SOX5: variants seen among roughly 807,000 people sequenced by gnomAD.
SOX5 encodes the protein transcription factor SOX-5.
In SOX5, 9 loss-of-function variants were observed where a neutral mutation model predicts 92.0. The ratio of observed to expected loss-of-function variants is 0.10; its 90% CI spans 0.06 to 0.17. The LOEUF (loss-of-function observed/expected upper bound fraction) is 0.17, where lower values mean the gene tolerates loss of function less well. SOX5 is among the 10% of genes least tolerant of loss of function. The pLI is 1.00. For missense variants in SOX5, 642 were observed against 944.5 expected, an observed-to-expected ratio of 0.68 and a Z score of 4.20; for synonymous variants, 344 against 336.3, an observed-to-expected ratio of 1.02 and a Z score of -0.25.
chr12:23,822,101 G>A (rs941707941), intron 3 of SOX5, among the ~76,000 whole-genome samples: 7 of 151,874 alleles, frequency 4.6e-5, no homozygotes, highest in African/African-American at 1.2e-4. Flanking sequence ...TTTTTTGAAG[G>A]GTTTTTGTGT....
At chr12:24,239,557 C>G (rs992425705) in intron 3 of SOX5, among the ~76,000 whole-genome samples, 2 of 152,102 alleles carry the variant, frequency 1.3e-5, no homozygotes, top group East Asian at 1.9e-4. Flanking sequence ...ATAAGCACAA[C>G]GTGTGACCAG....
chr12:24,284,071 G>C (rs938497648), intron 2 of SOX5, among the ~76,000 whole-genome samples: 1 of 152,186 alleles, frequency 6.6e-6, no homozygotes, highest in Non-Finnish European at 1.5e-5. Context: ...ACAGCCAGAG[G>C]CTATGTCAGA....
In SOX5 at chr12:23,869,891, G is replaced by A. The variant is rs761416858; in HGVS notation, c.271-23698C>T. ...ACAATATTATCACAGCCACAATTAA[G>A]ACTTTTATGTGTATCCATTTTCCCC... On this transcript the variant is annotated intron_variant, in intron 2 of 14. Coordinates refer to ENST00000451604, the MANE Select transcript of SOX5 (RefSeq NM_006940.6). Among the ~76,000 whole-genome samples the A allele has an allele frequency of 1.2e-3, 190 of 152,156 alleles. 1 individual carries two copies. Among genetic ancestry groups the A allele is most frequent in the Non-Finnish European group, 1.3e-3 (89 of 67,974 alleles).
chr12:24,310,814 T>C (rs1949088457), intron 2 of SOX5, among the ~76,000 whole-genome samples: 1 of 152,104 alleles, frequency 6.6e-6, no homozygotes, highest in Admixed American at 6.6e-5. Context: ...TTGAAATATC[T>C]GACCTTCATT....
chr12:23,608,346 C>G (rs1400596255), intron 8 of SOX5, among the ~76,000 whole-genome samples: 1 of 152,118 alleles, frequency 6.6e-6, no homozygotes, highest in Non-Finnish European at 1.5e-5. Context: ...TTTCACTACC[C>G]TCATACCTGT....
At chr12:23,829,665 G>A (rs2135559553) in intron 3 of SOX5, among the ~76,000 whole-genome samples, 1 of 152,258 alleles carries the variant, frequency 6.6e-6, no homozygotes, top group East Asian at 1.9e-4. Flanking sequence ...GACTTAAGAA[G>A]TACCAGAAAT....
intron 6 of SOX5, among the ~76,000 whole-genome samples, chr12:23,713,667 G>A (rs1253723804): frequency 1.4e-5 from 2 of 147,528 alleles, no homozygotes; most frequent in Non-Finnish European, 3.0e-5. Context: ...GTGTGTGTAT[G>A]TGTGAATGTG....
At chr12:24,459,381 T>C (rs1025947135) in intron 1 of SOX5, among the ~76,000 whole-genome samples, 1 of 152,086 alleles carries the variant, frequency 6.6e-6, no homozygotes, top group Non-Finnish European at 1.5e-5. Flanking sequence ...ATGTGTAGAG[T>C]ATCTGGAAGC....
chr12:24,503,802 C>G (rs1363393026), intron 1 of SOX5, among the ~76,000 whole-genome samples: 1 of 152,086 alleles, frequency 6.6e-6, no homozygotes, highest in Admixed American at 6.6e-5. Flanking sequence ...GGGAGGGCAA[C>G]ATCACACACC....
In SOX5 at chr12:23,754,552, T is replaced by C. The variant is rs560919397; in HGVS notation, c.568+1086A>G. ...CATTTTCTCATCACCCTTTCACAAGTAATCATAGCCTAAATACATGTAATT... is the reference window on the plus strand; with the variant it reads ...CATTTTCTCATCACCCTTTCACAAGCAATCATAGCCTAAATACATGTAATT... On this transcript the variant is annotated intron_variant, in intron 4 of 14. Transcript: ENST00000451604. 5.3e-5 allele frequency among the ~76,000 whole-genome samples: 8 copies of C among 151,960 alleles called. No individual in the cohort carries two copies. In the South Asian group the frequency reaches 6.2e-4, roughly 12 times the overall value.
At chr12:24,044,868 C>T (rs955795001) in intron 4 of SOX5, among the ~76,000 whole-genome samples, 1 of 152,170 alleles carries the variant, frequency 6.6e-6, no homozygotes, top group Non-Finnish European at 1.5e-5. Flanking sequence ...AACTCTCAGT[C>T]CCTTACCATC....
At chr12:24,055,537 T>C (rs939752880) in intron 4 of SOX5, among the ~76,000 whole-genome samples, 5 of 152,182 alleles carry the variant, frequency 3.3e-5, no homozygotes, top group African/African-American at 1.2e-4. Context: ...CATCGTGTTT[T>C]CCCCCTATGA....
chr12:24,482,635 A>C (rs1166709147), intron 1 of SOX5, among the ~76,000 whole-genome samples: 1 of 152,212 alleles, frequency 6.6e-6, no homozygotes, highest in Non-Finnish European at 1.5e-5. Context: ...ATATCCAAAA[A>C]GTTGTTGTTT....
chr12:23,610,807 C>G (rs1170225023), intron 8 of SOX5, among the ~76,000 whole-genome samples: 1 of 152,030 alleles, frequency 6.6e-6, no homozygotes, highest in African/African-American at 2.4e-5. Flanking sequence ...ATAATCATAA[C>G]AGTAACTGAA....
At chr12:24,473,643 T>C (rs1945046026) in intron 1 of SOX5, among the ~76,000 whole-genome samples, 1 of 152,238 alleles carries the variant, frequency 6.6e-6, no homozygotes, top group Non-Finnish European at 1.5e-5. Flanking sequence ...GTTCAATTGC[T>C]GTTGAACAAA....
chr12:24,432,482 C>T (rs1938547188), intron 1 of SOX5, among the ~76,000 whole-genome samples: 2 of 152,090 alleles, frequency 1.3e-5, no homozygotes, highest in Non-Finnish European at 2.9e-5. Flanking sequence ...AGTAGCAGTT[C>T]TCTGAGGTAG....
chr12:23,932,457 T>C (rs918767730), intron 1 of SOX5, among the ~76,000 whole-genome samples: 7 of 151,674 alleles, frequency 4.6e-5, no homozygotes, highest in African/African-American at 1.7e-4. Context: ...TGTCAAATGT[T>C]ATTACTGTAT....
chr12:24,540,878 T>A (rs1297315494), intron 1 of SOX5, among the ~76,000 whole-genome samples: 1 of 152,224 alleles, frequency 6.6e-6, no homozygotes. Context: ...ACATTTTTCC[T>A]GTAGATGGCT....
intron 2 of SOX5, among the ~76,000 whole-genome samples, chr12:24,283,406 A>G (rs1182802243): frequency 6.6e-6 from 1 of 152,214 alleles, no homozygotes. Flanking sequence ...TGGTAATATC[A>G]GTGTTGGAAG....
Sources: gnomAD v4.1 joint callset for allele counts (sites outside exome capture counted in the v4.1 genomes callset) on GRCh38, gnomAD v4.1.1 for gene constraint, MANE v1.5 for transcripts, NCBI Gene and HGNC (gene_info 2026-07-23, HGNC 2026-07-21) for gene names.